The following GPR158 variants were observed in gnomAD, a reference collection of about 807,000 sequenced individuals.
GPR158 encodes metabotropic glycine receptor.
In GPR158, 30 loss-of-function variants were observed where a neutral mutation model predicts 78.2. The ratio of observed to expected loss-of-function variants is 0.38; its 90% CI spans 0.29 to 0.52. GPR158 has a LOEUF of 0.52. Among genes scored for constraint, GPR158 ranks in the 20% least tolerant of loss-of-function variants. GPR158 has a pLI of 0.83. For missense variants in GPR158, 1,463 were observed against 1,523.5 expected (o/e 0.96, Z 0.66); for synonymous variants, 581 against 591.1 (o/e 0.98, Z 0.25).
intron 2 of GPR158, among the ~76,000 whole-genome samples, chr10:25,371,054 A>C (rs1184047309): frequency 2.0e-5 from 3 of 147,912 alleles, no homozygotes; most frequent in Middle Eastern, 3.4e-3. Flanking sequence ...TTTTGAGCCT[A>C]TGTGTGTCTC....
intron 2 of GPR158, among the ~76,000 whole-genome samples, chr10:25,300,056 C>G (rs1854570146): frequency 6.6e-6 from 1 of 152,124 alleles, no homozygotes; most frequent in Non-Finnish European, 1.5e-5. Flanking sequence ...CCATGCCCAG[C>G]CCTATATCAG....
chr10:25,477,958 G>C (rs1835611727), intron 5 of GPR158, among the ~76,000 whole-genome samples: 1 of 152,154 alleles, frequency 6.6e-6, no homozygotes, highest in Non-Finnish European at 1.5e-5. Context: ...AATAGCCATA[G>C]ATGCCCAGAA....
intron 2 of GPR158, among the ~76,000 whole-genome samples, chr10:25,237,497 A>G (rs969385421): frequency 3.3e-5 from 5 of 152,236 alleles, no homozygotes; most frequent in African/African-American, 9.6e-5. Flanking sequence ...TAAAAACTGC[A>G]TATGCCATAA....
At chr10:25,253,159 G>A (rs990551284) in intron 2 of GPR158, among the ~76,000 whole-genome samples, 19 of 152,310 alleles carry the variant, frequency 1.2e-4, no homozygotes, top group African/African-American at 3.1e-4. Flanking sequence ...GCAATGCCTC[G>A]CCCTGCTTCG....
At chr10:25,389,846 T>C (rs1834270085) in intron 2 of GPR158, among the ~76,000 whole-genome samples, 1 of 152,134 alleles carries the variant, frequency 6.6e-6, no homozygotes. Flanking sequence ...GTGTTAGCTG[T>C]TGATATGGTT....
At chr10:25,365,007 C>G (rs1855697327) in intron 2 of GPR158, among the ~76,000 whole-genome samples, 1 of 151,628 alleles carries the variant, frequency 6.6e-6, no homozygotes, top group Non-Finnish European at 1.5e-5. Flanking sequence ...TTTCAACTGT[C>G]TATGTAAAAC....
At chr10:25,593,342 A>G (rs1837365078) in intron 8 of GPR158, among the ~76,000 whole-genome samples, 1 of 152,050 alleles carries the variant, frequency 6.6e-6, no homozygotes, top group African/African-American at 2.4e-5. Context: ...GTTTCTTCCT[A>G]TTTTAGCCAT....
chr10:25,509,737 C>T (rs1344592484), intron 5 of GPR158, among the ~76,000 whole-genome samples: 3 of 152,032 alleles, frequency 2.0e-5, no homozygotes, highest in Admixed American at 6.6e-5. Flanking sequence ...TATTTTTCGA[C>T]GCAGAATCTC....
intron 1 of GPR158, among the ~76,000 whole-genome samples, chr10:25,178,536 C>T (rs1164035740): frequency 6.6e-6 from 1 of 152,224 alleles, no homozygotes; most frequent in Admixed American, 6.5e-5. Flanking sequence ...AGGGCTCAGA[C>T]ACTCCCTGTT....
chr10:25,356,723 A>G (rs747418994), intron 2 of GPR158, among the ~76,000 whole-genome samples: 6 of 152,132 alleles, frequency 3.9e-5, no homozygotes, highest in Non-Finnish European at 7.4e-5. Context: ...TGTAAGTCCA[A>G]TAAACCTCTT....
At chr10:25,263,378 G>T (rs1353486039) in intron 2 of GPR158, among the ~76,000 whole-genome samples, 1 of 152,080 alleles carries the variant, frequency 6.6e-6, no homozygotes, top group Non-Finnish European at 1.5e-5. Context: ...ATTTATATAT[G>T]TCTGTTCTTT....
chr10:25,238,045 G>A (rs2130702756), intron 2 of GPR158, among the ~76,000 whole-genome samples: 1 of 142,398 alleles, frequency 7.0e-6, no homozygotes, highest in Middle Eastern at 3.5e-3. Flanking sequence ...AAAAATTCTT[G>A]TCTTTCTTTT....
chr10:25,338,224 T>C (rs1201044772), intron 2 of GPR158, among the ~76,000 whole-genome samples: 1 of 151,034 alleles, frequency 6.6e-6, no homozygotes, highest in African/African-American at 2.4e-5. Flanking sequence ...TCTTCTCTAT[T>C]ATCTTTAGAA....
chr10:25,496,284 A>G (rs1389050240), intron 5 of GPR158, among the ~76,000 whole-genome samples: 1 of 152,096 alleles, frequency 6.6e-6, no homozygotes, highest in Non-Finnish European at 1.5e-5. Context: ...TGCCCCAGTT[A>G]CTTCTGCACG....
At position 25,176,547 on chromosome 10, in the gene GPR158, C is replaced by T. The variant is rs1307524868; in HGVS notation, c.902+225C>T. ...CGGCGCTCGGCGAAAGCCATTCATT[C>T]TCTCGGACCAGTTTCCCCGCACTGG... On this transcript the variant is annotated intron_variant, in intron 1 of 10. Transcript: ENST00000376351. The surrounding 1 kb of genome is among the most constrained non-coding windows in gnomAD (Gnocchi z 6.3). 6.6e-6 allele frequency among the ~76,000 whole-genome samples: 1 copy of T among 152,232 alleles called. No homozygotes were observed. Among genetic ancestry groups the T allele is most frequent in the African/African-American group, 2.4e-5 (1 of 41,482 alleles).
At chr10:25,396,440 T>C (rs929819418) in intron 3 of GPR158, among the ~76,000 whole-genome samples, 2 of 152,148 alleles carry the variant, frequency 1.3e-5, no homozygotes, top group African/African-American at 2.4e-5. Flanking sequence ...ATCATACGGT[T>C]CCCATTGGTT....
At chr10:25,506,091 C>T (rs1836009180) in intron 5 of GPR158, among the ~76,000 whole-genome samples, 1 of 152,180 alleles carries the variant, frequency 6.6e-6, no homozygotes, top group African/African-American at 2.4e-5. Flanking sequence ...CAACTCGACA[C>T]TAGGTTCTGG....
chr10:25,555,494 C>G (rs947875540), intron 6 of GPR158, among the ~76,000 whole-genome samples: 2 of 152,296 alleles, frequency 1.3e-5, no homozygotes, highest in South Asian at 4.1e-4. Context: ...GAACACCTAG[C>G]ATTCCCATGA....
At chr10:25,334,989 C>T (rs1047399819) in intron 2 of GPR158, among the ~76,000 whole-genome samples, 2 of 151,988 alleles carry the variant, frequency 1.3e-5, no homozygotes, top group African/African-American at 4.8e-5. Context: ...ATAGTGAATG[C>T]AAATCTTTGA....
Sources: allele counts gnomAD v4.1 joint callset (sites outside exome capture counted in the v4.1 genomes callset), GRCh38; gene constraint gnomAD v4.1.1; non-coding constraint Gnocchi (gnomAD v3.1); transcripts MANE v1.5; gene names NCBI Gene and HGNC (gene_info 2026-07-23, HGNC 2026-07-21).